Variants in FMN1 observed in about 807,000 individuals in gnomAD.
FMN1 encodes the protein formin-1.
In FMN1, 110 loss-of-function variants were observed where a neutral mutation model predicts 132.4. The ratio of observed to expected loss-of-function variants is 0.83; its 90% CI spans 0.71 to 0.97. The LOEUF (loss-of-function observed/expected upper bound fraction) is 0.97, where lower values mean the gene tolerates loss of function less well. Among genes scored for constraint, FMN1 ranks in the 50% least tolerant of loss-of-function variants. The pLI is 0.00. For synonymous variants in FMN1, 722 were observed against 651.7 expected (o/e 1.11, Z -1.64); for missense variants, 1,792 against 1,705.3 (o/e 1.05, Z -0.90).
At chr15:32,935,915 C>T (rs374263409) in intron 9 of FMN1, among the ~76,000 whole-genome samples, 3 of 152,050 alleles carry the variant, frequency 2.0e-5, no homozygotes, top group African/African-American at 4.8e-5. Flanking sequence ...CGTGAGCCAC[C>T]GGCACCTAGC....
intron 16 of FMN1, among the ~76,000 whole-genome samples, chr15:32,876,073 A>G (rs2059629839): frequency 1.3e-5 from 2 of 152,236 alleles, no homozygotes; most frequent in African/African-American, 4.8e-5. Context: ...CCAAAAAAAC[A>G]GGAAATATCA....
intron 13 of FMN1, 90 bp from the exon 14 acceptor site, chr15:32,900,215 G>A (rs2060262627): frequency 5.1e-6 from 7 of 1,380,150 alleles, no homozygotes; most frequent in South Asian, 1.2e-5. Context: ...TACTCAATAG[G>A]CTGTCGGGAG....
Position 33,172,087 on chromosome 15 carries a change from G to A in FMN1, c.-132+8111C>T, listed in dbSNP as rs367958881. Among the ~76,000 whole-genome samples, 571 of 151,972 alleles carry A rather than the reference G, an allele frequency of 3.8e-3. 5 individuals carry two copies. Among genetic ancestry groups the A allele is most frequent in the African/African-American group, 0.013 (538 of 41,476 alleles). On this transcript the variant is annotated intron_variant, in intron 3 of 20. Transcript: ENST00000616417. ...GCCGGGCGTGGTGGCGGGCGCCTGTGGTCCCAGCTACTCCGGAGGCTGAGG... is the reference window on the plus strand; with the variant it reads ...GCCGGGCGTGGTGGCGGGCGCCTGTAGTCCCAGCTACTCCGGAGGCTGAGG...
At chr15:33,139,995 G>A (rs1282215077) in intron 4 of FMN1, among the ~76,000 whole-genome samples, 1 of 152,040 alleles carries the variant, frequency 6.6e-6, no homozygotes, top group East Asian at 1.9e-4. Flanking sequence ...TAAATTTCCT[G>A]AGGGAGAGAT....
At chr15:33,179,433 G>C (rs2140337653) in intron 3 of FMN1, among the ~76,000 whole-genome samples, 1 of 152,282 alleles carries the variant, frequency 6.6e-6, no homozygotes, top group South Asian at 2.1e-4. Context: ...AACTGCCCCA[G>C]AATCTTTATG....
At chr15:32,946,116 G>A (rs938635554) in intron 9 of FMN1, among the ~76,000 whole-genome samples, 2 of 152,174 alleles carry the variant, frequency 1.3e-5, no homozygotes, top group Non-Finnish European at 2.9e-5. Context: ...CTGTATTTTA[G>A]TAGATATTTT....
chr15:32,887,082 T>A (rs1271287434), intron 16 of FMN1, among the ~76,000 whole-genome samples: 1 of 152,216 alleles, frequency 6.6e-6, no homozygotes, highest in African/African-American at 2.4e-5. Context: ...GTAAGTTTTA[T>A]GCCCAAAGTA....
At chr15:32,976,037 C>T (rs1362216301) in intron 7 of FMN1, among the ~76,000 whole-genome samples, 2 of 152,048 alleles carry the variant, frequency 1.3e-5, no homozygotes, top group African/African-American at 2.4e-5. Flanking sequence ...TGAAAGACAT[C>T]GTGTTGGTGC....
intron 7 of FMN1, among the ~76,000 whole-genome samples, chr15:32,985,791 G>A (rs747622474): frequency 9.9e-5 from 15 of 152,026 alleles, no homozygotes; most frequent in Non-Finnish European, 1.9e-4. Flanking sequence ...CTTACAATAT[G>A]GACAGGGCCC....
rs2056262392 is a variant in FMN1, at chr15:32,772,008, AT to A, written c.*2301del. On this transcript the variant is annotated 3_prime_UTR_variant, in exon 21 of 21. Transcript: ENST00000616417. ...TGCCATGGTGTCTTACAACACTAAC[AT>A]CATACATCGACTAGTGTGACAAAAC... 6.6e-6 allele frequency: 1 copy of A among 152,186 alleles called. No homozygotes were observed. Among genetic ancestry groups the A allele is most frequent in the Non-Finnish European group, 1.5e-5 (1 of 68,036 alleles). 9.4% of individuals were successfully genotyped at this position (152,186 alleles called of 1,614,324 possible).
chr15:33,075,609 C>T (rs2141296511), intron 5 of FMN1, among the ~76,000 whole-genome samples: 1 of 152,156 alleles, frequency 6.6e-6, no homozygotes, highest in South Asian at 2.1e-4. Context: ...CAAAGTTTGC[C>T]CTGTTCTTTA....
At chr15:33,095,569 T>G (rs1167200429) in intron 4 of FMN1, among the ~76,000 whole-genome samples, 5 of 151,308 alleles carry the variant, frequency 3.3e-5, no homozygotes, top group African/African-American at 1.2e-4. Flanking sequence ...TAGTTTTTAA[T>G]TTTTTTTTGT....
rs1175893829 is a variant in FMN1 at position 32,804,503 on chromosome 15, G to A, written c.3929-171C>T. On this transcript the variant is annotated intron_variant, in intron 17 of 20. Coordinates refer to ENST00000616417, the MANE Select transcript of FMN1 (RefSeq NM_001277313.2). ...CAATAACACTCAATTTGCTTTATTT[G>A]CTACCACTGCTTTTTTTTTTTTTAA... Among the ~76,000 whole-genome samples, 258 of 118,492 alleles carry A rather than the reference G, an allele frequency of 2.2e-3. 3 individuals carry two copies. The highest frequency in any genetic ancestry group is 8.1e-3 in the African/African-American group (248 of 30,598). 77.7% of individuals were successfully genotyped at this position (118,492 alleles called of 152,430 possible).
chr15:33,042,038 A>T (rs2036464607), intron 6 of FMN1, among the ~76,000 whole-genome samples: 1 of 152,170 alleles, frequency 6.6e-6, no homozygotes, highest in Non-Finnish European at 1.5e-5. Flanking sequence ...GTCTACCTAA[A>T]AAAAATCCAA....
intron 4 of FMN1, among the ~76,000 whole-genome samples, chr15:33,134,455 A>G (rs1305081276): frequency 6.6e-6 from 1 of 152,132 alleles, no homozygotes; most frequent in Admixed American, 6.5e-5. Context: ...TGGCATGTAA[A>G]TGCAGTTTCA....
intron 3 of FMN1, among the ~76,000 whole-genome samples, chr15:33,166,789 G>C (rs73382505): frequency 0.032 from 4,827 of 152,198 alleles, 280 homozygotes; most frequent in African/African-American, 0.11. Context: ...AATGCACTTC[G>C]TAAAATACCA....
intron 4 of FMN1, among the ~76,000 whole-genome samples, chr15:33,126,195 G>A (rs1172172166): frequency 6.6e-6 from 1 of 151,628 alleles, no homozygotes; most frequent in Non-Finnish European, 1.5e-5. Flanking sequence ...GACATGGTGT[G>A]TTATTAAGCA....
intron 6 of FMN1, among the ~76,000 whole-genome samples, chr15:33,059,625 T>C (rs998861503): frequency 2.0e-5 from 3 of 152,220 alleles, no homozygotes; most frequent in African/African-American, 7.2e-5. Context: ...ACTATCTTTA[T>C]CTCCAAATTA....
chr15:32,976,735 G>A (rs1305489219), intron 7 of FMN1, among the ~76,000 whole-genome samples: 1 of 152,158 alleles, frequency 6.6e-6, no homozygotes. Context: ...AAAAGAAGGG[G>A]TAAAGAGTAA....
Sources: allele counts gnomAD v4.1 joint callset (sites outside exome capture counted in the v4.1 genomes callset), GRCh38; gene constraint gnomAD v4.1.1; transcripts MANE v1.5; gene names NCBI Gene and HGNC (gene_info 2026-07-23, HGNC 2026-07-21).